Variants in MACROH2A1 observed in about 807,000 individuals in gnomAD.
The protein encoded by MACROH2A1 is macroH2A.1 histone, also known as core histone macro-H2A.1.
Under a neutral mutation model 31.6 loss-of-function variants are expected in MACROH2A1, and 2 were observed. The ratio of observed to expected loss-of-function variants is 0.06; its 90% CI spans 0.03 to 0.20. The LOEUF (loss-of-function observed/expected upper bound fraction) is 0.20, where lower values mean the gene tolerates loss of function less well. MACROH2A1 is among the 10% of genes least tolerant of loss of function. The pLI is 1.00. For synonymous variants in MACROH2A1, 169 were observed against 189.6 expected, an observed-to-expected ratio of 0.89 and a Z score of 0.89; for missense variants, 230 against 474.0, an observed-to-expected ratio of 0.49 and a Z score of 4.78.
intron 2 of MACROH2A1, among the ~76,000 whole-genome samples, chr5:135,371,758 C>A (rs996809983): frequency 6.6e-6 from 1 of 152,158 alleles, no homozygotes; most frequent in African/African-American, 2.4e-5. Flanking sequence ...CCCTTCTGGG[C>A]CCAACTCAAA....
At position 135,370,028 on chromosome 5, in the gene MACROH2A1, G is replaced by A. The variant is rs116188576; in HGVS notation, c.279+8C>T. ...CAAACATCAGTGGGAGATGGGAGAG[G>A]CCCATACCTGATTCAGCTCTTCATC... is the stretch of plus-strand genomic sequence containing the variant. On this transcript the variant is annotated splice_region_variant and intron_variant, in intron 3 of 8. Transcript: ENST00000511689. 1.8e-3 allele frequency: 2,838 copies of A among 1,554,356 alleles called. 49 individuals carry two copies. The African/African-American group carries it at 0.034, about 18-fold the overall frequency.
chr5:135,359,127 A>C (rs1348940277), intron 5 of MACROH2A1: 2 of 985,218 alleles, frequency 2.0e-6, no homozygotes, highest in African/African-American at 3.5e-5. Context: ...TTCTGATCTG[A>C]GGCTGCCTTT....
At chr5:135,344,760 A>G (rs1435284489) in intron 7 of MACROH2A1, 1 of 152,270 alleles carries the variant, frequency 6.6e-6, no homozygotes, top group Non-Finnish European at 1.5e-5. Context: ...CTTAAAATCA[A>G]GAACAAAAGT....
At chr5:135,348,413 G>A (rs568645858) in intron 6 of MACROH2A1, among the ~76,000 whole-genome samples, 159 of 152,334 alleles carry the variant, frequency 1.0e-3, no homozygotes, top group African/African-American at 3.7e-3. Flanking sequence ...CAGCCTAAGC[G>A]AAAATTTAGG....
chr5:135,338,062 C>CATTCTAACTGG, intron 8 of MACROH2A1: 1 of 1,061,722 alleles, frequency 9.4e-7, no homozygotes, highest in Non-Finnish European at 1.2e-6. Context: ...TGTCTTGCTG[C>CATTCTAACTGG]CAGTTAGAAT....
intron 2 of MACROH2A1, among the ~76,000 whole-genome samples, chr5:135,372,196 C>G (rs1764258185): frequency 6.6e-6 from 1 of 152,214 alleles, no homozygotes; most frequent in Non-Finnish European, 1.5e-5. Flanking sequence ...CCCCTGTCTT[C>G]TCAGTGTTCC....
At chr5:135,394,313 T>C (rs1033788455) in intron 1 of MACROH2A1, among the ~76,000 whole-genome samples, 9 of 152,232 alleles carry the variant, frequency 5.9e-5, no homozygotes, top group Admixed American at 1.3e-4. Flanking sequence ...TCCCTGGCAA[T>C]GATCCATCAA....
chr5:135,334,720 TCTC>T lies in MACROH2A1; in HGVS notation c.*253_*255del. On this transcript the variant is annotated 3_prime_UTR_variant, in exon 9 of 9. Coordinates refer to ENST00000511689, the MANE Select transcript of MACROH2A1 (RefSeq NM_138610.3). ...GTTTCATTAAAATAAAACTATAAAA[TCTC>T]CTAGGTTACACTAAGTCAGACACGG... 2.6e-6 allele frequency: 1 copy of T among 379,558 alleles called. No homozygotes were observed. The highest frequency in any genetic ancestry group is 7.1e-4 in the Middle Eastern group (1 of 1,400). 23.5% of individuals were successfully genotyped at this position (379,558 alleles called of 1,614,324 possible). A position where few individuals can be genotyped will look rare whatever the true frequency, so the allele number is the denominator to read the frequency against.
chr5:135,341,332 G>A (rs1231922181), intron 8 of MACROH2A1, among the ~76,000 whole-genome samples: 1 of 149,272 alleles, frequency 6.7e-6, no homozygotes, highest in Non-Finnish European at 1.5e-5. Flanking sequence ...GCCCAGAGAT[G>A]TGAGGCCAGG....
intron 5 of MACROH2A1, chr5:135,358,931 T>G: frequency 1.0e-6 from 1 of 985,388 alleles, no homozygotes; most frequent in Non-Finnish European, 1.2e-6. Context: ...TAGCAAGATG[T>G]CTGTGGTGTT....
At chr5:135,370,591 A>T (rs1764059394) in intron 2 of MACROH2A1, among the ~76,000 whole-genome samples, 1 of 152,228 alleles carries the variant, frequency 6.6e-6, no homozygotes, top group Admixed American at 6.5e-5. Flanking sequence ...AGGCCTGTTA[A>T]ATCTTTGTTG....
chr5:135,369,583 T>A lies in MACROH2A1; in HGVS notation c.300A>T (p.Ile100=). 6.2e-7 allele frequency: 1 copy of A among 1,613,880 alleles called. No individual in the cohort carries two copies. Among genetic ancestry groups the A allele is most frequent in the South Asian group, 1.1e-5 (1 of 91,066 alleles). The change falls in exon 4 of 9, where the codon ATA becomes ATT. Residue 100 remains isoleucine (I), a synonymous_variant. Coordinates refer to ENST00000511689, the MANE Select transcript of MACROH2A1 (RefSeq NM_138610.3). This position sits in a 1 kb window ranked among gnomAD's most constrained non-coding sequence, Gnocchi z 4.3. The part of the protein sequence containing the change: ...ELNQLLKGVT[I]ASGGVLPNIH... ...TGTTGGGTAACACACCCCCACTGGC[T>A]ATGGTGACTCCTTTTAGCAGCTTTC...
chr5:135,343,348 G>A lies in MACROH2A1; in HGVS notation c.865C>T (p.Leu289Phe). The A allele has an allele frequency of 6.2e-7, 1 of 1,614,222 alleles. No individual in the cohort carries two copies. Among genetic ancestry groups the A allele is most frequent in the Non-Finnish European group, 8.5e-7 (1 of 1,180,044 alleles). ...CAGTTTTTCACTGTCTTTTCCAGAA[G>A]TTCTTCACACTTGTCTGCACCCCAA... ...PVWGADKCEELLEKTVKNCLA... is the reference protein window; with the variant it reads ...PVWGADKCEEFLEKTVKNCLA... Residue 289 changes from leucine (L) to phenylalanine (F), a missense_variant, in exon 8 of 9, where the codon CTT becomes TTT. By Grantham distance (22) the Leu-to-Phe change is conservative (BLOSUM62 0). Transcript: ENST00000511689.
intron 5 of MACROH2A1, chr5:135,359,449 C>A (rs961099182): frequency 2.0e-6 from 2 of 984,484 alleles, no homozygotes; most frequent in Non-Finnish European, 2.4e-6. Context: ...GCTACTTTTT[C>A]TTTTGAAAAA....
In MACROH2A1 at chr5:135,389,120, G is replaced by GAGCA; in HGVS notation, c.-31_-28dup. ...GCGGTGGCCCTGGAGGCGGATCAGTGAGCACACTGTGAAGGCGAGAGGCAC... is the reference window on the plus strand; with the variant it reads ...GCGGTGGCCCTGGAGGCGGATCAGTGAGCAAGCACACTGTGAAGGCGAGAGGCAC... On this transcript the variant is annotated 5_prime_UTR_variant, in exon 2 of 9. Coordinates refer to ENST00000511689, the MANE Select transcript of MACROH2A1 (RefSeq NM_138610.3). The GAGCA allele has an allele frequency of 6.2e-7, 1 of 1,605,818 alleles. No homozygotes were observed.
intron 5 of MACROH2A1, chr5:135,356,938 G>A (rs914121180): frequency 4.6e-5 from 7 of 152,182 alleles, no homozygotes; most frequent in South Asian, 2.1e-4. Flanking sequence ...AGATAAGGAA[G>A]GAAGCCTGGC....
intron 2 of MACROH2A1, among the ~76,000 whole-genome samples, chr5:135,372,781 G>A (rs1764342078): frequency 6.6e-6 from 1 of 152,232 alleles, no homozygotes; most frequent in Non-Finnish European, 1.5e-5. Context: ...GCCACGATGG[G>A]TGCTGGGCAG....
intron 2 of MACROH2A1, among the ~76,000 whole-genome samples, chr5:135,381,307 G>T (rs1765627728): frequency 6.6e-6 from 1 of 152,128 alleles, no homozygotes; most frequent in Non-Finnish European, 1.5e-5. Flanking sequence ...TTGGAAGGAG[G>T]TAGGCTTTCC....
At chr5:135,387,556 C>T (rs1766585912) in intron 2 of MACROH2A1, among the ~76,000 whole-genome samples, 1 of 152,152 alleles carries the variant, frequency 6.6e-6, no homozygotes, top group Admixed American at 6.5e-5. Context: ...CTGCAAGAAT[C>T]AGAGTACTCT....
Sources: gnomAD v4.1 joint callset for allele counts (sites outside exome capture counted in the v4.1 genomes callset) on GRCh38, gnomAD v4.1.1 for gene constraint, Gnocchi (gnomAD v3.1) non-coding constraint, MANE v1.5 for transcripts, NCBI Gene and HGNC (gene_info 2026-07-23, HGNC 2026-07-21) for gene names.